SRCIN1: variants seen among roughly 807,000 people sequenced by gnomAD.
SRCIN1 encodes the protein P130Cas-associated protein.
SRCIN1 carries 50 observed loss-of-function variants against 116.2 expected under a neutral mutation model. The observed-to-expected ratio is 0.43, with a 90% CI of 0.34 to 0.54. SRCIN1 has a LOEUF of 0.54. SRCIN1 is among the 20% of genes least tolerant of loss of function. The pLI is 0.02. For missense variants in SRCIN1, 1,446 were observed against 1,672.0 expected (o/e 0.86, Z 2.36); for synonymous variants, 736 against 750.0 (o/e 0.98, Z 0.30).
In SRCIN1 at chr17:38,547,366, T is replaced by A. The variant is rs140649243; in HGVS notation, c.3270+1191A>T. On this transcript the variant is annotated intron_variant, in intron 17 of 18. Coordinates refer to ENST00000617146, the MANE Select transcript of SRCIN1 (RefSeq NM_025248.3). The stretch of plus-strand genomic sequence containing the variant: ...GGACAAGGTCAGATTTTGAGCTGGA[T>A]CCAAAGTCATCTTGTGAGCAAGATC... 8.0e-3 allele frequency among the ~76,000 whole-genome samples: 1,222 copies of A among 152,156 alleles called. 12 individuals are homozygous for A. The highest frequency in any genetic ancestry group is 0.028 in the African/African-American group (1,164 of 41,504).
Position 38,578,638 on chromosome 17 carries a change from A to G in SRCIN1, c.176T>C (p.Val59Ala), listed in dbSNP as rs1567876110. Reference protein sequence around the residue: ...LVHTSERRHTVIAAQSLEALS... With the variant: ...LVHTSERRHTAIAAQSLEALS... ...CGCCTCCAGACTCTGGGCCGCGATC[A>G]CCGTGTGCCGCCGCTCGGACGTGTG... Residue 59 changes from valine to alanine, a missense_variant, in exon 2 of 19, where the codon GTG becomes GCG. Val to Ala is a moderately conservative substitution (Grantham distance 64). This residue lies in a region of SRCIN1 where 246 missense variants were observed against 265.1 expected (regional missense o/e 0.93). Transcript: ENST00000617146. 1 of 1,600,374 alleles carries G rather than the reference A, an allele frequency of 6.2e-7. No homozygotes were observed.
intron 1 of SRCIN1, among the ~76,000 whole-genome samples, chr17:38,591,900 G>A (rs1908461976): frequency 6.6e-6 from 1 of 152,254 alleles, no homozygotes; most frequent in South Asian, 2.1e-4. Flanking sequence ...AGGAGTCTGA[G>A]TGGGCAGCCC....
At position 38,530,410 on chromosome 17, in the gene SRCIN1, G is replaced by C. The variant is rs753859593; in HGVS notation, c.*2887C>G. ...ACACAGCACAGTGGGCGGGGGCTGAGAGGACCAGGTACAGGGGTCCCCCGA... is the reference window on the plus strand; with the variant it reads ...ACACAGCACAGTGGGCGGGGGCTGACAGGACCAGGTACAGGGGTCCCCCGA... On this transcript the variant is annotated 3_prime_UTR_variant, in exon 19 of 19. Coordinates refer to ENST00000617146, the MANE Select transcript of SRCIN1 (RefSeq NM_025248.3). 8 of 153,042 alleles carry C rather than the reference G, an allele frequency of 5.2e-5. No homozygotes were observed. The highest frequency in any genetic ancestry group is 1.2e-4 in the African/African-American group (5 of 41,466). The allele number at this position is 153,042 out of a possible 1,614,324, so 9.5% of individuals were successfully genotyped here. A position where few individuals can be genotyped will look rare whatever the true frequency, so the allele number is the denominator to read the frequency against.
chr17:38,588,222 A>AAC (rs1908237840), intron 1 of SRCIN1, among the ~76,000 whole-genome samples: 2 of 152,128 alleles, frequency 1.3e-5, no homozygotes, highest in Non-Finnish European at 2.9e-5. Context: ...GTTGTATCAG[A>AAC]CCCAGGACTG....
In SRCIN1 at chr17:38,568,207, T is replaced by C; in HGVS notation, c.345+4A>G. On this transcript the variant is annotated splice_donor_region_variant and intron_variant, in intron 3 of 18. Coordinates refer to ENST00000617146, the MANE Select transcript of SRCIN1 (RefSeq NM_025248.3). The surrounding 1 kb of genome is among the most constrained non-coding windows in gnomAD (Gnocchi z 4.5). ...TCATGGGAGCAGAGGCATCACACACTGACCTTGAAACTCCAGTAGTTTGGC... is the reference window on the plus strand; with the variant it reads ...TCATGGGAGCAGAGGCATCACACACCGACCTTGAAACTCCAGTAGTTTGGC... 1.9e-6 allele frequency: 3 copies of C among 1,613,230 alleles called. No individual in the cohort carries two copies. Among genetic ancestry groups the C allele is most frequent in the Non-Finnish European group, 2.5e-6 (3 of 1,179,680 alleles).
intron 2 of SRCIN1, among the ~76,000 whole-genome samples, chr17:38,577,243 T>C (rs779184979): frequency 6.6e-6 from 1 of 152,184 alleles, no homozygotes; most frequent in Non-Finnish European, 1.5e-5. Flanking sequence ...CCCAGCTAGA[T>C]GACAAATGCC....
In SRCIN1 at chr17:38,552,700, CTGCAT is replaced by C; in HGVS notation, c.2332+20_2332+24del. 1 of 1,613,222 alleles carries C rather than the reference CTGCAT, an allele frequency of 6.2e-7. No individual in the cohort carries two copies. Among genetic ancestry groups the C allele is most frequent in the Non-Finnish European group, 8.5e-7 (1 of 1,179,534 alleles). On this transcript the variant is annotated intron_variant, in intron 12 of 18. Coordinates refer to ENST00000617146, the MANE Select transcript of SRCIN1 (RefSeq NM_025248.3). This position sits in a 1 kb window ranked among gnomAD's most constrained non-coding sequence, Gnocchi z 5.3. ...AGACTTCCCCACCCTGAACAACGTG[CTGCAT>C]TCGCAGGCCCCAGACCCACCCTTGA...
At chr17:38,569,794 G>A (rs1906960508) in intron 2 of SRCIN1, among the ~76,000 whole-genome samples, 1 of 152,204 alleles carries the variant, frequency 6.6e-6, no homozygotes, top group South Asian at 2.1e-4. Flanking sequence ...GGTGCTAGGG[G>A]ATGCCCACAG....
chr17:38,553,299 C>T (rs1905567997), intron 11 of SRCIN1, among the ~76,000 whole-genome samples: 1 of 152,174 alleles, frequency 6.6e-6, no homozygotes, highest in African/African-American at 2.4e-5. Flanking sequence ...GCCACATACT[C>T]AAGTAAAATC....
chr17:38,556,174 G>C (rs979016142), intron 11 of SRCIN1, among the ~76,000 whole-genome samples: 3 of 152,176 alleles, frequency 2.0e-5, no homozygotes, highest in African/African-American at 7.2e-5. Context: ...ATAATTTATG[G>C]GGCCCAATGC....
intron 18 of SRCIN1, chr17:38,543,010 A>G: frequency 2.2e-6 from 1 of 452,500 alleles, no homozygotes. Context: ...CGAGTGCACT[A>G]AGGGTCTCTC....
At position 38,578,709 on chromosome 17, in the gene SRCIN1, G is replaced by A. The variant is rs753634870; in HGVS notation, c.105C>T (p.Gly35=). 33 of 1,244,250 alleles carry A rather than the reference G, an allele frequency of 2.7e-5. No homozygotes were observed. The highest frequency in any genetic ancestry group is 3.3e-5 in the Non-Finnish European group (30 of 899,414). The allele number at this position is 1,244,250 out of a possible 1,614,324, so 77.1% of individuals were successfully genotyped here. Residue 35 remains glycine (G), a synonymous_variant, in exon 2 of 19, where the codon GGC becomes GGT. Coordinates refer to ENST00000617146, the MANE Select transcript of SRCIN1 (RefSeq NM_025248.3). ...AGCGCCGGCCCCCGCTGCCCCCGCC[G>A]CCCCCGCCCCCCAGGGTCCGGTACT... ...PREYRTLGGG[G]GGGSGGRRFS...
chr17:38,543,455 T>C (rs893522156), intron 18 of SRCIN1, among the ~76,000 whole-genome samples: 3 of 152,128 alleles, frequency 2.0e-5, no homozygotes, highest in Non-Finnish European at 4.4e-5. Context: ...CACCCCAGGG[T>C]AGGCCAGGCC....
intron 1 of SRCIN1, among the ~76,000 whole-genome samples, chr17:38,578,992 C>CG (rs1157629267): frequency 6.6e-6 from 1 of 152,196 alleles, no homozygotes; most frequent in Non-Finnish European, 1.5e-5. Flanking sequence ...AGCGCGCCTA[C>CG]GGCCCCTAGG....
At position 38,562,120 on chromosome 17, in the gene SRCIN1, G is replaced by T; in HGVS notation, c.1043C>A (p.Ala348Glu). Residue 348 changes from alanine (A) to glutamate (E), a missense_variant, in exon 7 of 19, where the codon GCG becomes GAG. Physicochemically the swap from Ala to Glu is moderately radical, Grantham distance 107 (BLOSUM62 -1). Around this residue, in one of 5 missense-constraint regions of SRCIN1, gnomAD observed 239 missense variants for 317.7 expected, o/e 0.75. Transcript: ENST00000617146. The surrounding 1 kb of genome is among the most constrained non-coding windows in gnomAD (Gnocchi z 4.2). ...PSYAGSPVHH[A>E]AERLGGAPAA... ...CGGGGCGCCTCCCAGCCTCTCGGCC[G>T]CGTGGTGCACCGGGCTGCCGGCGTA... is the stretch of plus-strand genomic sequence containing the variant. The T allele has an allele frequency of 7.2e-7, 1 of 1,397,124 alleles. No individual in the cohort carries two copies. The highest frequency in any genetic ancestry group is 9.2e-7 in the Non-Finnish European group (1 of 1,083,240). The allele number at this position is 1,397,124 out of a possible 1,614,324, so 86.5% of individuals were successfully genotyped here.
At position 38,604,533 on chromosome 17, in the gene SRCIN1, G is replaced by C. The variant is rs933849041; in HGVS notation, c.22+1151C>G. 6 of 455,070 alleles carry C rather than the reference G, an allele frequency of 1.3e-5. No homozygotes were observed. Among genetic ancestry groups the C allele is most frequent in the Non-Finnish European group, 1.8e-5 (4 of 226,418 alleles). The allele number at this position is 455,070 out of a possible 1,614,324, so 28.2% of individuals were successfully genotyped here. A position where few individuals can be genotyped will look rare whatever the true frequency, so the allele number is the denominator to read the frequency against. On this transcript the variant is annotated intron_variant, in intron 1 of 18. Coordinates refer to ENST00000617146, the MANE Select transcript of SRCIN1 (RefSeq NM_025248.3). This position sits in a 1 kb window ranked among gnomAD's most constrained non-coding sequence, Gnocchi z 4.3. ...GGTCCAGCCTCCTCCCTGGGAGAGC[G>C]GGCTCTGCCCTCCGCCGTCCTCTCC...
chr17:38,596,355 T>C (rs1427752389), intron 1 of SRCIN1, among the ~76,000 whole-genome samples: 2 of 151,884 alleles, frequency 1.3e-5, no homozygotes, highest in Non-Finnish European at 2.9e-5. Flanking sequence ...AGGATAGAGA[T>C]TGGGTGTCAT....
rs1293847821 is a variant in SRCIN1 at position 38,585,469 on chromosome 17, G to A, written c.23-6678C>T. On this transcript the variant is annotated intron_variant, in intron 1 of 18. Coordinates refer to ENST00000617146, the MANE Select transcript of SRCIN1 (RefSeq NM_025248.3). The surrounding 1 kb of genome is among the most constrained non-coding windows in gnomAD (Gnocchi z 4.2). ...GGAGGCCAGAGGACAAAGGTCAACC[G>A]GGACCAGATATGTATCAAACTAGGC... 2.6e-5 allele frequency among the ~76,000 whole-genome samples: 4 copies of A among 152,276 alleles called. No individual in the cohort carries two copies. The highest frequency in any genetic ancestry group is 4.4e-5 in the Non-Finnish European group (3 of 68,026).
rs767545132 is a variant in SRCIN1, at chr17:38,558,392, T to C, written c.2036A>G (p.Gln679Arg). ...QQLRKLQLQN[Q>R]ESVRALLKRT... ...CTTCAGCAGCGCGCGCACCGACTCC[T>C]GGTTCTGTAGCTGCGGGACGCACGG... is the stretch of plus-strand genomic sequence containing the variant. Residue 679 changes from glutamine to arginine, a missense_variant, in exon 11 of 19, where the codon CAG (glutamine) becomes CGG (arginine). Coordinates refer to ENST00000617146, the MANE Select transcript of SRCIN1 (RefSeq NM_025248.3). This position sits in a 1 kb window ranked among gnomAD's most constrained non-coding sequence, Gnocchi z 4.6. 16 of 1,601,266 alleles carry C rather than the reference T, an allele frequency of 1.0e-5. No homozygotes were observed. Among genetic ancestry groups the C allele is most frequent in the Non-Finnish European group, 1.2e-5 (14 of 1,178,172 alleles).
Sources: gnomAD v4.1 joint callset for allele counts (sites outside exome capture counted in the v4.1 genomes callset) on GRCh38, gnomAD v4.1.1 for gene constraint, gnomAD v4.1.1 regional missense constraint, Gnocchi (gnomAD v3.1) non-coding constraint, MANE v1.5 for transcripts, NCBI Gene and HGNC (gene_info 2026-07-23, HGNC 2026-07-21) for gene names.